SCAPER: variants seen among roughly 807,000 people sequenced by gnomAD.
The protein encoded by SCAPER is S-phase cyclin A associated protein in the ER.
SCAPER carries 98 observed loss-of-function variants against 182.2 expected under a neutral mutation model. That is an observed-to-expected ratio of 0.54 (90% confidence interval 0.46 to 0.64). The LOEUF (loss-of-function observed/expected upper bound fraction) is 0.64. Ranked by LOEUF, SCAPER falls within the 30% of genes least tolerant of loss-of-function variation. The pLI, the probability that SCAPER is intolerant of heterozygous loss-of-function variation, is 0.00. For synonymous variants in SCAPER, 605 were observed against 564.6 expected (o/e 1.07, Z -1.01); for missense variants, 1,432 against 1,690.0 (o/e 0.85, Z 2.68).
intron 23 of SCAPER, among the ~76,000 whole-genome samples, chr15:76,532,929 C>A (rs1204316952): frequency 6.6e-6 from 1 of 152,150 alleles, no homozygotes; most frequent in Non-Finnish European, 1.5e-5. Flanking sequence ...TAATTTAACA[C>A]TTATTTAGCC....
At chr15:76,800,021 T>C (rs549672146) in intron 7 of SCAPER, among the ~76,000 whole-genome samples, 1 of 151,670 alleles carries the variant, frequency 6.6e-6, no homozygotes, top group East Asian at 1.9e-4. Flanking sequence ...TGCAAAACCT[T>C]CCATCAGATC....
chr15:76,889,744 C>G (rs555509308), intron 1 of SCAPER, among the ~76,000 whole-genome samples: 92 of 152,276 alleles, frequency 6.0e-4, no homozygotes, highest in Middle Eastern at 3.4e-3. Flanking sequence ...ACCCTACTCT[C>G]AGTATTAGAC....
At chr15:76,634,700 T>C (rs529808406) in intron 21 of SCAPER, among the ~76,000 whole-genome samples, 1 of 152,240 alleles carries the variant, frequency 6.6e-6, no homozygotes, top group African/African-American at 2.4e-5. Flanking sequence ...TTCTTTTAGA[T>C]GCCATTGCCA....
chr15:76,814,060 C>T (rs1190122392), intron 5 of SCAPER, among the ~76,000 whole-genome samples: 4 of 151,922 alleles, frequency 2.6e-5, no homozygotes, highest in East Asian at 1.9e-4. Flanking sequence ...CCCACATACC[C>T]GGGAGGCTGA....
At chr15:76,652,518 TACACACACACACACACACAC>T (rs71143350) in intron 21 of SCAPER, among the ~76,000 whole-genome samples, 5 of 88,926 alleles carry the variant, frequency 5.6e-5, no homozygotes, top group East Asian at 3.4e-4. Flanking sequence ...TTTACATACA[TACACACACACACACACACAC>T]ACACACACAC....
At chr15:76,567,157 T>TA (rs1458832193) in intron 23 of SCAPER, 2 of 278,450 alleles carry the variant, frequency 7.2e-6, no homozygotes, top group East Asian at 1.0e-4. Context: ...AGTATATATA[T>TA]TTTTTGGTGA....
intron 26 of SCAPER, 75 bp downstream of exon 26, chr15:76,434,003 G>A (rs1219216831): frequency 8.1e-7 from 1 of 1,233,102 alleles, no homozygotes. Flanking sequence ...GCCATCACAT[G>A]GGCCTTGAGA....
chr15:76,880,626 C>A (rs148906146), intron 2 of SCAPER, among the ~76,000 whole-genome samples: 1 of 151,712 alleles, frequency 6.6e-6, no homozygotes, highest in East Asian at 1.9e-4. Flanking sequence ...ATCTTACCTG[C>A]TAGAGTTTTA....
chr15:76,852,875 C>T (rs12913024), intron 4 of SCAPER, among the ~76,000 whole-genome samples: 40,187 of 151,938 alleles, frequency 0.26, 6,267 homozygotes, highest in East Asian at 0.55. Context: ...CATGAAAAAC[C>T]TTTCAAAAGA....
At chr15:76,433,016 C>T (rs1309499687) in intron 26 of SCAPER, among the ~76,000 whole-genome samples, 2 of 152,176 alleles carry the variant, frequency 1.3e-5, no homozygotes, top group African/African-American at 4.8e-5. Flanking sequence ...TAAGGTTAAC[C>T]TACTAGGTGT....
intron 23 of SCAPER, among the ~76,000 whole-genome samples, chr15:76,519,375 G>A (rs2042673811): frequency 6.6e-6 from 1 of 152,184 alleles, no homozygotes; most frequent in Non-Finnish European, 1.5e-5. Flanking sequence ...ACACCAGGAG[G>A]CCTTTTTAGC....
intron 23 of SCAPER, among the ~76,000 whole-genome samples, chr15:76,569,351 A>G (rs2145288527): frequency 6.6e-6 from 1 of 152,268 alleles, no homozygotes; most frequent in Non-Finnish European, 1.5e-5. Context: ...TAATTTTCCA[A>G]TGTTAAAGCA....
chr15:76,850,492 C>A (rs1263554649), intron 4 of SCAPER, among the ~76,000 whole-genome samples: 1 of 152,146 alleles, frequency 6.6e-6, no homozygotes, highest in African/African-American at 2.4e-5. Flanking sequence ...ATTCAAATGA[C>A]CAGAGTGTCA....
intron 1 of SCAPER, among the ~76,000 whole-genome samples, chr15:76,902,449 A>C (rs1031992401): frequency 6.6e-6 from 1 of 151,272 alleles, no homozygotes; most frequent in African/African-American, 2.4e-5. Flanking sequence ...TTACCCATGT[A>C]ACAAATCTAC....
intron 5 of SCAPER, among the ~76,000 whole-genome samples, chr15:76,839,983 G>A (rs1359035074): frequency 6.6e-6 from 1 of 151,976 alleles, no homozygotes; most frequent in Non-Finnish European, 1.5e-5. Context: ...TAATCTCTAG[G>A]GGTAATCTAG....
chr15:76,540,715 A>G (rs1425586492), intron 23 of SCAPER, among the ~76,000 whole-genome samples: 2 of 151,966 alleles, frequency 1.3e-5, no homozygotes, highest in Non-Finnish European at 2.9e-5. Context: ...ATGAACATGT[A>G]TTATAGTAAT....
At chr15:76,363,007 G>A (rs1436553608) in intron 29 of SCAPER, among the ~76,000 whole-genome samples, 1 of 152,140 alleles carries the variant, frequency 6.6e-6, no homozygotes, top group Non-Finnish European at 1.5e-5. Context: ...CGTCTGGCAA[G>A]TTTCTAAACA....
At chr15:76,772,379 G>C (rs1300200117) in intron 9 of SCAPER, among the ~76,000 whole-genome samples, 1 of 151,856 alleles carries the variant, frequency 6.6e-6, no homozygotes. Context: ...AGGACATTCA[G>C]TACTTTTGAA....
At chr15:76,423,042 T>C (rs2046160164) in intron 26 of SCAPER, among the ~76,000 whole-genome samples, 3 of 151,996 alleles carry the variant, frequency 2.0e-5, no homozygotes, top group Admixed American at 1.3e-4. Flanking sequence ...TTGAGGATTT[T>C]TGCATTGATG....
Sources: allele counts gnomAD v4.1 joint callset (sites outside exome capture counted in the v4.1 genomes callset), GRCh38; gene constraint gnomAD v4.1.1; transcripts MANE v1.5; gene names NCBI Gene and HGNC (gene_info 2026-07-23, HGNC 2026-07-21).